CSMD1: variants seen among roughly 807,000 people sequenced by gnomAD.
CSMD1 encodes CUB and Sushi multiple domains 1.
CSMD1 carries 213 observed loss-of-function variants against 417.5 expected under a neutral mutation model. The observed-to-expected ratio is 0.51, with a 90% CI of 0.46 to 0.57. The LOEUF is 0.57. Among genes scored for constraint, CSMD1 ranks in the 20% least tolerant of loss-of-function variants. The pLI is 0.00. For synonymous variants in CSMD1, 2,862 were observed against 1,736.8 expected, an observed-to-expected ratio of 1.65 and a Z score of -16.11; for missense variants, 6,923 against 4,529.7, an observed-to-expected ratio of 1.53 and a Z score of -15.17.
chr8:3,039,990 C>T (rs1283422931), intron 50 of CSMD1, among the ~76,000 whole-genome samples: 1 of 152,180 alleles, frequency 6.6e-6, no homozygotes, highest in Admixed American at 6.6e-5. Context: ...GCAGGTTTCA[C>T]TGAGAATCCA....
intron 18 of CSMD1, among the ~76,000 whole-genome samples, chr8:3,384,939 A>G (rs1402817622): frequency 2.8e-5 from 3 of 106,134 alleles, no homozygotes; most frequent in African/African-American, 1.2e-4. Context: ...TATAATATAT[A>G]ATATATGCAT....
chr8:3,284,575 A>G, intron 25 of CSMD1: 1 of 532,806 alleles, frequency 1.9e-6, no homozygotes. Flanking sequence ...GGACGCAGAG[A>G]GATAGGTGAG....
At chr8:4,182,795 G>A (rs1418523390) in intron 3 of CSMD1, among the ~76,000 whole-genome samples, 6 of 151,964 alleles carry the variant, frequency 3.9e-5, no homozygotes, top group African/African-American at 7.3e-5. Flanking sequence ...GAAGTGAAGG[G>A]AATATAATCA....
intron 5 of CSMD1, among the ~76,000 whole-genome samples, chr8:3,789,692 G>C (rs1799626034): frequency 6.8e-6 from 1 of 145,996 alleles, no homozygotes; most frequent in African/African-American, 2.5e-5. Flanking sequence ...TGTTTATTTA[G>C]TATTTATCAT....
chr8:4,248,705 C>A (rs1472441479), intron 3 of CSMD1, among the ~76,000 whole-genome samples: 2 of 152,156 alleles, frequency 1.3e-5, no homozygotes, highest in African/African-American at 2.4e-5. Context: ...ACACTTGTAT[C>A]CTGCTCTTCT....
intron 2 of CSMD1, among the ~76,000 whole-genome samples, chr8:4,590,610 T>C (rs1585297721): frequency 6.6e-6 from 1 of 152,122 alleles, no homozygotes; most frequent in Non-Finnish European, 1.5e-5. Flanking sequence ...TAAAAATGTA[T>C]ACTGTTAATA....
At position 4,967,599 on chromosome 8, in the gene CSMD1, G is replaced by T. The variant is rs151153552; in HGVS notation, c.85+26733C>A. On this transcript the variant is annotated intron_variant, in intron 1 of 69. Coordinates refer to ENST00000635120, the MANE Select transcript of CSMD1 (RefSeq NM_033225.6). The stretch of plus-strand genomic sequence containing the variant: ...AACTATTTTTAATTTTAACAGAGTT[G>T]TAACAGTACCTATACTTCGGTTCTA... Among the ~76,000 whole-genome samples, 214 of 152,224 alleles carry T rather than the reference G, an allele frequency of 1.4e-3. 3 individuals are homozygous for T. The East Asian group carries it at 0.032, about 22-fold the overall frequency.
intron 2 of CSMD1, among the ~76,000 whole-genome samples, chr8:4,612,655 C>T (rs1357452483): frequency 6.6e-6 from 1 of 152,176 alleles, no homozygotes; most frequent in Non-Finnish European, 1.5e-5. Context: ...CAGCCTTCTC[C>T]ATCTACTCAA....
intron 49 of CSMD1, among the ~76,000 whole-genome samples, chr8:3,085,187 C>G (rs905849418): frequency 6.6e-6 from 1 of 152,030 alleles, no homozygotes; most frequent in Non-Finnish European, 1.5e-5. Context: ...AGTCCCTTAA[C>G]TTTTATGTGT....
At chr8:3,893,339 T>TTTTATATATATATATATATATATA (rs1554476820) in intron 5 of CSMD1, among the ~76,000 whole-genome samples, 21 of 80,450 alleles carry the variant, frequency 2.6e-4, no homozygotes, top group South Asian at 1.1e-3. Context: ...ATTCACAATT[T>TTTTATATATATATATATATATATA]TATATATATA....
chr8:3,694,655 G>A (rs1006002458), intron 7 of CSMD1, among the ~76,000 whole-genome samples: 1 of 152,014 alleles, frequency 6.6e-6, no homozygotes, highest in African/African-American at 2.4e-5. Context: ...GGTGGACACA[G>A]CAGTGGAGGA....
At chr8:4,074,469 G>C (rs956636235) in intron 3 of CSMD1, among the ~76,000 whole-genome samples, 1 of 151,986 alleles carries the variant, frequency 6.6e-6, no homozygotes, top group Non-Finnish European at 1.5e-5. Flanking sequence ...CCATAAACCT[G>C]TTTATAGTCA....
chr8:3,345,193 A>T (rs1469769466), intron 22 of CSMD1, among the ~76,000 whole-genome samples: 1 of 152,196 alleles, frequency 6.6e-6, no homozygotes, highest in African/African-American at 2.4e-5. Flanking sequence ...GCTCTCCTGA[A>T]TCTTGGCTTC....
intron 3 of CSMD1, among the ~76,000 whole-genome samples, chr8:4,387,328 G>C (rs1009743324): frequency 2.6e-5 from 4 of 151,888 alleles, no homozygotes. Flanking sequence ...ACAATTTACC[G>C]TAAGTGACAA....
At chr8:3,710,813 G>C (rs141363447) in intron 6 of CSMD1, among the ~76,000 whole-genome samples, 4 of 152,100 alleles carry the variant, frequency 2.6e-5, no homozygotes, top group Admixed American at 2.0e-4. Flanking sequence ...AGATGCACAG[G>C]GAAGACTATG....
At chr8:3,740,875 C>T (rs936108107) in intron 6 of CSMD1, among the ~76,000 whole-genome samples, 7 of 151,994 alleles carry the variant, frequency 4.6e-5, no homozygotes, top group Non-Finnish European at 1.5e-5. Flanking sequence ...GAGGCAGAGC[C>T]CTACTCAGCT....
chr8:3,836,429 G>T (rs550417080), intron 5 of CSMD1, among the ~76,000 whole-genome samples: 1 of 152,038 alleles, frequency 6.6e-6, no homozygotes, highest in Admixed American at 6.6e-5. Context: ...CTCCAATGCA[G>T]AAATCTCCAA....
chr8:3,912,483 A>C (rs146050118), intron 5 of CSMD1, among the ~76,000 whole-genome samples: 6 of 152,220 alleles, frequency 3.9e-5, no homozygotes, highest in Admixed American at 6.5e-5. Flanking sequence ...GTGCTCCTAG[A>C]CCCTCAAGTG....
intron 25 of CSMD1, among the ~76,000 whole-genome samples, chr8:3,286,560 C>G (rs1366594194): frequency 1.3e-5 from 2 of 152,090 alleles, no homozygotes; most frequent in Admixed American, 1.3e-4. Context: ...TTTTGATTTG[C>G]ATTTCTCTGA....
Sources: allele counts gnomAD v4.1 joint callset (sites outside exome capture counted in the v4.1 genomes callset), GRCh38; gene constraint gnomAD v4.1.1; transcripts MANE v1.5; gene names NCBI Gene and HGNC (gene_info 2026-07-23, HGNC 2026-07-21).